The following EPM2A variants were observed in gnomAD, a reference collection of about 807,000 sequenced individuals.
EPM2A encodes the protein EPM2A glucan phosphatase, laforin, also known as laforin.
EPM2A carries 21 observed loss-of-function variants against 26.5 expected under a neutral mutation model. The observed-to-expected ratio is 0.79, with a 90% CI of 0.56 to 1.14. The LOEUF (loss-of-function observed/expected upper bound fraction) is 1.14. Among genes scored for constraint, EPM2A ranks in the 50% most tolerant of loss-of-function variants. The pLI, the probability that EPM2A is intolerant of heterozygous loss-of-function variation, is 0.00. For missense variants in EPM2A, 458 were observed against 440.8 expected, an observed-to-expected ratio of 1.04 and a Z score of -0.35; for synonymous variants, 217 against 177.6, an observed-to-expected ratio of 1.22 and a Z score of -1.76.
chr6:145,653,912 T>C (rs1204296361), intron 2 of EPM2A, among the ~76,000 whole-genome samples: 1 of 152,206 alleles, frequency 6.6e-6, no homozygotes, highest in East Asian at 1.9e-4. Context: ...CTTAGCCCAG[T>C]TGACACATAA....
chr6:145,655,764 T>C (rs1180366764), intron 2 of EPM2A, among the ~76,000 whole-genome samples: 1 of 152,042 alleles, frequency 6.6e-6, no homozygotes, highest in Non-Finnish European at 1.5e-5. Context: ...CTAAAGGATA[T>C]ACTAGGCGGA....
intron 4 of EPM2A, among the ~76,000 whole-genome samples, chr6:145,434,438 G>A (rs1298834032): frequency 6.6e-6 from 1 of 151,956 alleles, no homozygotes; most frequent in East Asian, 1.9e-4. Flanking sequence ...TAGACAATGA[G>A]TTCTTGTGAG....
At chr6:145,714,858 T>A (rs867403939) in intron 1 of EPM2A, among the ~76,000 whole-genome samples, 1 of 152,142 alleles carries the variant, frequency 6.6e-6, no homozygotes, top group Admixed American at 6.5e-5. Flanking sequence ...GTCCCTCCCA[T>A]AACATGTGGG....
At chr6:145,491,095 T>G in intron 4 of EPM2A, 1 of 652,286 alleles carries the variant, frequency 1.5e-6, no homozygotes, top group South Asian at 1.4e-5. Context: ...GCTGCAATCT[T>G]CCTTTTATTT....
intron 2 of EPM2A, among the ~76,000 whole-genome samples, chr6:145,545,878 G>C (rs141372194): frequency 6.6e-6 from 1 of 151,912 alleles, no homozygotes; most frequent in Non-Finnish European, 1.5e-5. Flanking sequence ...TTTTCTTCGC[G>C]TACACTTAGA....
At chr6:145,525,637 A>G (rs1241289029) in intron 2 of EPM2A, among the ~76,000 whole-genome samples, 1 of 152,086 alleles carries the variant, frequency 6.6e-6, no homozygotes, top group Non-Finnish European at 1.5e-5. Flanking sequence ...ATTTGTGTAC[A>G]TTGATTTTGT....
At chr6:145,576,745 G>T (rs575632488) in intron 2 of EPM2A, among the ~76,000 whole-genome samples, 1 of 152,240 alleles carries the variant, frequency 6.6e-6, no homozygotes, top group South Asian at 2.1e-4. Context: ...GATAGAATAT[G>T]TTAATACTTA....
intron 4 of EPM2A, among the ~76,000 whole-genome samples, chr6:145,393,354 T>TA (rs911470363): frequency 2.0e-4 from 31 of 151,602 alleles, no homozygotes; most frequent in African/African-American, 6.5e-4. Context: ...GAGCCTGACA[T>TA]AAAAAAATCA....
intron 4 of EPM2A, among the ~76,000 whole-genome samples, chr6:145,464,303 A>G (rs770987794): frequency 7.9e-5 from 12 of 152,154 alleles, no homozygotes; most frequent in Non-Finnish European, 1.5e-4. Context: ...AGGCCTCCCC[A>G]GCCATGCAGA....
At chr6:145,439,374 G>C (rs889619884) in intron 4 of EPM2A, among the ~76,000 whole-genome samples, 1 of 152,124 alleles carries the variant, frequency 6.6e-6, no homozygotes, top group South Asian at 2.1e-4. Flanking sequence ...TTAGTTCTTT[G>C]AGGAATCACC....
chr6:145,566,455 C>T (rs1361381667), intron 2 of EPM2A, among the ~76,000 whole-genome samples: 5 of 152,148 alleles, frequency 3.3e-5, no homozygotes, highest in African/African-American at 1.2e-4. Flanking sequence ...CCACAGTGTT[C>T]GGGTCTGAGT....
chr6:145,409,286 GA>G (rs981159718), intron 4 of EPM2A, among the ~76,000 whole-genome samples: 23 of 151,982 alleles, frequency 1.5e-4, no homozygotes, highest in African/African-American at 4.1e-4. Context: ...CACAAAAAAA[GA>G]AAAAAATTGA....
chr6:145,541,346 G>GTATA (rs35986160), intron 2 of EPM2A, among the ~76,000 whole-genome samples: 284 of 148,334 alleles, frequency 1.9e-3, no homozygotes, highest in East Asian at 3.8e-3. Flanking sequence ...ATGTGTGTGT[G>GTATA]TATATATATA....
intron 4 of EPM2A, among the ~76,000 whole-genome samples, chr6:145,395,312 C>G (rs890309611): frequency 6.6e-6 from 1 of 152,150 alleles, no homozygotes; most frequent in African/African-American, 2.4e-5. Flanking sequence ...GCCTCACCCC[C>G]TACTCTGGGA....
chr6:145,487,316 C>A (rs926891714), intron 4 of EPM2A, among the ~76,000 whole-genome samples: 4 of 152,034 alleles, frequency 2.6e-5, no homozygotes, highest in African/African-American at 9.7e-5. Flanking sequence ...GTGCATGTGT[C>A]TTTACAACAT....
intron 2 of EPM2A, among the ~76,000 whole-genome samples, chr6:145,610,139 G>T (rs1183953858): frequency 6.6e-6 from 1 of 151,924 alleles, no homozygotes; most frequent in Non-Finnish European, 1.5e-5. Flanking sequence ...GCTTAAACCC[G>T]GGAGGAGGAG....
At chr6:145,591,786 T>C (rs1781276806) in intron 2 of EPM2A, among the ~76,000 whole-genome samples, 1 of 151,962 alleles carries the variant, frequency 6.6e-6, no homozygotes, top group Non-Finnish European at 1.5e-5. Flanking sequence ...AATAAAATAT[T>C]TTGTTACAAA....
At chr6:145,670,329 T>C (rs1170124022) in intron 2 of EPM2A, 5 of 152,196 alleles carry the variant, frequency 3.3e-5, no homozygotes, top group African/African-American at 1.2e-4. Flanking sequence ...GCTTAATTTA[T>C]ATGATAAAAT....
intron 1 of EPM2A, among the ~76,000 whole-genome samples, chr6:145,731,960 G>A (rs1776509876): frequency 6.6e-6 from 1 of 151,844 alleles, no homozygotes; most frequent in Non-Finnish European, 1.5e-5. Flanking sequence ...AGTCTTCAAA[G>A]GAAAAATTAT....
Sources: allele counts gnomAD v4.1 joint callset (sites outside exome capture counted in the v4.1 genomes callset), GRCh38; gene constraint gnomAD v4.1.1; transcripts MANE v1.5; gene names NCBI Gene and HGNC (gene_info 2026-07-23, HGNC 2026-07-21).